Variants in TRMT11 observed in about 807,000 individuals in gnomAD.
The protein encoded by TRMT11 is tRNA (guanine(10)-N(2))-methyltransferase TRMT11.
TRMT11 carries 53 observed loss-of-function variants against 62.8 expected under a neutral mutation model. That is an observed-to-expected ratio of 0.84 (90% confidence interval 0.68 to 1.06). The LOEUF (loss-of-function observed/expected upper bound fraction) is 1.06. TRMT11 is among the 50% of genes least tolerant of loss of function. TRMT11 has a pLI of 0.00. For missense variants in TRMT11, 556 were observed against 553.4 expected, an observed-to-expected ratio of 1.00 and a Z score of -0.05; for synonymous variants, 188 against 190.3, an observed-to-expected ratio of 0.99 and a Z score of 0.10.
chr6:126,147,895 G>A (rs550128958), intron 21 of TRMT11, among the ~76,000 whole-genome samples: 12 of 152,070 alleles, frequency 7.9e-5, no homozygotes, highest in East Asian at 3.9e-4. Flanking sequence ...GGGGCCTGTC[G>A]TGGGGGTAGG....
chr6:126,182,183 C>A (rs1206050685), intron 1 of TRMT11, among the ~76,000 whole-genome samples: 1 of 152,096 alleles, frequency 6.6e-6, no homozygotes, highest in Admixed American at 6.6e-5. Flanking sequence ...GATTGAGAAC[C>A]TTTCTACAAA....
Position 126,146,915 on chromosome 6 carries a change from A to G in TRMT11, c.*1824-27910A>G, listed in dbSNP as rs1269155348. On this transcript the variant is annotated intron_variant and NMD_transcript_variant, in intron 21 of 22. Transcript: ENST00000648977. ...TTTCTACTAAAAGTGATTATTAGAC[A>G]TAATGTCAAGATGCTCATATTCTGC... 1.8e-5 allele frequency among the ~76,000 whole-genome samples: 2 copies of G among 110,532 alleles called. 1 individual carries two copies. Among genetic ancestry groups the G allele is most frequent in the African/African-American group, 7.1e-5 (2 of 28,226 alleles). The allele number at this position is 110,532 out of a possible 152,430, so 72.5% of individuals were successfully genotyped here.
chr6:126,192,024 A>G (rs779623142), intron 1 of TRMT11, among the ~76,000 whole-genome samples: 4 of 152,156 alleles, frequency 2.6e-5, no homozygotes, highest in Non-Finnish European at 2.9e-5. Flanking sequence ...CTGAATCTGT[A>G]GACTATTTTG....
At chr6:126,184,853 CA>C (rs1190622623) in intron 1 of TRMT11, among the ~76,000 whole-genome samples, 2 of 152,146 alleles carry the variant, frequency 1.3e-5, no homozygotes, top group African/African-American at 4.8e-5. Flanking sequence ...GGGTTAAATG[CA>C]ATCAGAGGCA....
intron 21 of TRMT11, among the ~76,000 whole-genome samples, chr6:126,163,123 C>T (rs1236135931): frequency 6.6e-6 from 1 of 152,154 alleles, no homozygotes; most frequent in Non-Finnish European, 1.5e-5. Flanking sequence ...GAGAGGGCAT[C>T]CTTGCCTTGT....
the TRMT11 span, among the ~76,000 whole-genome samples, chr6:126,247,441 ATATCTATC>A: frequency 0.012 from 1,653 of 132,490 alleles, 12 homozygotes; most frequent in East Asian, 0.026. Context: ...GACACAGAAC[ATATCTATC>A]TATCTATCTA....
the TRMT11 span, among the ~76,000 whole-genome samples, chr6:126,241,160 G>T: frequency 6.6e-6 from 1 of 152,188 alleles, no homozygotes; most frequent in African/African-American, 2.4e-5. Flanking sequence ...CCCTTCCTGG[G>T]TGAGGTGATG....
chr6:126,141,941 G>C (rs745894558), intron 21 of TRMT11, among the ~76,000 whole-genome samples: 3 of 152,028 alleles, frequency 2.0e-5, no homozygotes, highest in African/African-American at 4.8e-5. Flanking sequence ...ACCAGGGAAA[G>C]TGCTTCCAAT....
the TRMT11 span, among the ~76,000 whole-genome samples, chr6:126,222,463 A>T: frequency 1.3e-5 from 2 of 151,192 alleles, no homozygotes; most frequent in African/African-American, 4.9e-5. Flanking sequence ...ATGTTTTTCC[A>T]TTTCCATTTC....
At chr6:126,206,317 T>G (rs1392707208), downstream of TRMT11, among the ~76,000 whole-genome samples, 1 of 152,178 alleles carries the variant, frequency 6.6e-6, no homozygotes, top group Non-Finnish European at 1.5e-5. Context: ...GTATCTCATT[T>G]TAACAAGATC....
intron 1 of TRMT11, among the ~76,000 whole-genome samples, chr6:126,197,371 T>C (rs1778678590): frequency 6.6e-6 from 1 of 152,230 alleles, no homozygotes; most frequent in African/African-American, 2.4e-5. Context: ...GAAACAAATA[T>C]AAGTGAATTG....
the TRMT11 span, among the ~76,000 whole-genome samples, chr6:126,216,154 A>C: frequency 6.6e-6 from 1 of 152,082 alleles, no homozygotes; most frequent in Admixed American, 6.5e-5. Flanking sequence ...TTCCTTTAGC[A>C]ACTCTTGCAG....
intron 9 of TRMT11, among the ~76,000 whole-genome samples, chr6:126,011,692 C>T (rs60623693): frequency 0.028 from 4,292 of 152,130 alleles, 194 homozygotes; most frequent in African/African-American, 0.1. Flanking sequence ...TTCCCTTCAG[C>T]TTATTTTTTT....
chr6:126,203,486 C>T (rs769034990), downstream of TRMT11, among the ~76,000 whole-genome samples: 2 of 152,150 alleles, frequency 1.3e-5, no homozygotes, highest in African/African-American at 2.4e-5. Context: ...CCCTGGTCAC[C>T]AGCAGATTGA....
chr6:126,128,863 C>T (rs929431287), intron 21 of TRMT11, among the ~76,000 whole-genome samples: 4 of 150,858 alleles, frequency 2.7e-5, no homozygotes, highest in Non-Finnish European at 5.9e-5. Flanking sequence ...ACTCTGAACA[C>T]GTAGGAGCAC....
chr6:126,190,529 A>G (rs1778586147), intron 1 of TRMT11, among the ~76,000 whole-genome samples: 2 of 152,124 alleles, frequency 1.3e-5, no homozygotes, highest in South Asian at 4.1e-4. Flanking sequence ...CTACGAGTCA[A>G]TTAAACCTCC....
chr6:126,159,513 A>G (rs986061104), intron 21 of TRMT11, among the ~76,000 whole-genome samples: 1 of 152,224 alleles, frequency 6.6e-6, no homozygotes, highest in African/African-American at 2.4e-5. Flanking sequence ...TTGGCCACTG[A>G]TCACTACATA....
chr6:126,151,921 TTCTTTCTTTC>T, intron 21 of TRMT11, among the ~76,000 whole-genome samples: 1 of 98,328 alleles, frequency 1.0e-5, no homozygotes, highest in African/African-American at 5.1e-5. Flanking sequence ...CTTTCTTTCT[TTCTTTCTTTC>T]TTTCTTTCTT....
chr6:126,230,513 A>T, the TRMT11 span, among the ~76,000 whole-genome samples: 41 of 152,182 alleles, frequency 2.7e-4, no homozygotes, highest in Non-Finnish European at 5.1e-4. Context: ...TTGTAAGGTG[A>T]TGCTTATTTT....
Sources: gnomAD v4.1 joint callset for allele counts (sites outside exome capture counted in the v4.1 genomes callset) on GRCh38, gnomAD v4.1.1 for gene constraint, MANE v1.5 for transcripts, NCBI Gene and HGNC (gene_info 2026-07-23, HGNC 2026-07-21) for gene names.